GRID2: variants seen among roughly 807,000 people sequenced by gnomAD.
The protein encoded by GRID2 is glutamate receptor ionotropic, delta-2.
GRID2 carries 33 observed loss-of-function variants against 114.8 expected under a neutral mutation model. The ratio of observed to expected loss-of-function variants is 0.29; its 90% confidence interval spans 0.22 to 0.38. GRID2 has a LOEUF of 0.38. Ranked by LOEUF, GRID2 falls within the 10% of genes least tolerant of loss-of-function variation. The pLI is 1.00. For missense variants in GRID2, 1,184 were observed against 1,257.7 expected (o/e 0.94, Z 0.89); for synonymous variants, 505 against 449.9 (o/e 1.12, Z -1.55).
At chr4:92,741,036 G>A (rs1736872256) in intron 2 of GRID2, among the ~76,000 whole-genome samples, 1 of 152,054 alleles carries the variant, frequency 6.6e-6, no homozygotes, top group Admixed American at 6.6e-5. Context: ...GAGTCACCAT[G>A]CCCAGCCTAT....
At chr4:93,603,243 C>T (rs1273794589) in intron 13 of GRID2, among the ~76,000 whole-genome samples, 2 of 152,018 alleles carry the variant, frequency 1.3e-5, no homozygotes, top group East Asian at 1.9e-4. Flanking sequence ...AAGAAAAGAA[C>T]GTGAAACAGC....
rs144735302 is a variant in GRID2 at position 92,766,385 on chromosome 4, C to T, written c.244+176099C>T. 3.4e-3 allele frequency among the ~76,000 whole-genome samples: 519 copies of T among 151,724 alleles called. 3 individuals carry two copies. The highest frequency in any genetic ancestry group is 0.012 in the African/African-American group (489 of 41,422). ...AACCCCGTCTCTACCAAAACTACAA[C>T]AATTAGCCAGGCATGGTGGTGGGCG... On this transcript the variant is annotated intron_variant, in intron 2 of 15. Coordinates refer to ENST00000282020, the MANE Select transcript of GRID2 (RefSeq NM_001510.4).
rs552626616 is a variant in GRID2, at chr4:92,399,341, C to T, written c.88+94597C>T. On this transcript the variant is annotated intron_variant, in intron 1 of 15. Transcript: ENST00000282020. ...ATAGTCCGAGATTCCTCAAGCAGTT[C>T]CCGTCTTCCTTCAGGCCCACTCCTA... Among the ~76,000 whole-genome samples the T allele has an allele frequency of 5.3e-5, 8 of 152,216 alleles. No individual in the cohort carries two copies. The East Asian group carries it at 1.5e-3, about 29-fold the overall frequency.
At chr4:92,669,509 G>C (rs1001796695) in intron 2 of GRID2, among the ~76,000 whole-genome samples, 1 of 151,910 alleles carries the variant, frequency 6.6e-6, no homozygotes, top group African/African-American at 2.4e-5. Flanking sequence ...TCTCTGACTT[G>C]CTGGGAAACA....
intron 8 of GRID2, among the ~76,000 whole-genome samples, chr4:93,344,947 C>G (rs1425606076): frequency 6.6e-6 from 1 of 150,876 alleles, no homozygotes; most frequent in Non-Finnish European, 1.5e-5. Flanking sequence ...TCAAAAATGA[C>G]AGCATTTCCT....
intron 13 of GRID2, among the ~76,000 whole-genome samples, chr4:93,565,076 G>A (rs1735277957): frequency 6.6e-6 from 1 of 151,722 alleles, no homozygotes; most frequent in South Asian, 2.1e-4. Context: ...TGTCAAATTA[G>A]CTTAATTATA....
intron 9 of GRID2, among the ~76,000 whole-genome samples, chr4:93,415,648 CTTTTGT>C: frequency 6.6e-6 from 1 of 152,066 alleles, no homozygotes; most frequent in East Asian, 1.9e-4. Context: ...CTTTCAAATT[CTTTTGT>C]ACAAAAAAAA....
chr4:92,886,617 A>T (rs1004522433), intron 2 of GRID2, among the ~76,000 whole-genome samples: 21 of 151,796 alleles, frequency 1.4e-4, no homozygotes, highest in South Asian at 2.1e-4. Flanking sequence ...TATTTAATTT[A>T]ATTTTATTTA....
chr4:93,348,935 C>T (rs1340107754), intron 8 of GRID2, among the ~76,000 whole-genome samples: 1 of 152,150 alleles, frequency 6.6e-6, no homozygotes, highest in African/African-American at 2.4e-5. Context: ...TCAGCAGACC[C>T]AGGCAGGGCC....
At chr4:93,200,258 T>C (rs1218330776) in intron 4 of GRID2, among the ~76,000 whole-genome samples, 1 of 152,210 alleles carries the variant, frequency 6.6e-6, no homozygotes, top group Non-Finnish European at 1.5e-5. Flanking sequence ...AGCACAAGTA[T>C]CACCATTTGG....
At chr4:93,583,297 A>G (rs535842926) in intron 13 of GRID2, among the ~76,000 whole-genome samples, 1 of 152,298 alleles carries the variant, frequency 6.6e-6, no homozygotes, top group East Asian at 1.9e-4. Context: ...TTATGTATGA[A>G]GGAATTATTC....
At chr4:93,790,557 T>TC (rs1371636900) in intron 1 of GRID2, among the ~76,000 whole-genome samples, 1 of 151,600 alleles carries the variant, frequency 6.6e-6, no homozygotes, top group Non-Finnish European at 1.5e-5. Flanking sequence ...ATAATTTTTT[T>TC]TTTTTTGTGA....
chr4:92,352,390 T>G (rs1177043149), intron 1 of GRID2, among the ~76,000 whole-genome samples: 1 of 151,598 alleles, frequency 6.6e-6, no homozygotes, highest in African/African-American at 2.4e-5. Flanking sequence ...TTTAGTTGTT[T>G]GAGCTCCTTG....
chr4:92,873,819 A>G (rs1745444587), intron 2 of GRID2, among the ~76,000 whole-genome samples: 2 of 152,034 alleles, frequency 1.3e-5, no homozygotes, highest in South Asian at 4.1e-4. Context: ...GGTTCAAGCA[A>G]TTCTCCTGCC....
intron 1 of GRID2, among the ~76,000 whole-genome samples, chr4:92,506,633 T>C (rs1723985196): frequency 6.6e-6 from 1 of 151,872 alleles, no homozygotes. Flanking sequence ...AGAAAATGAT[T>C]TTCTGGCATG....
At chr4:92,584,713 T>A (rs904166186) in intron 1 of GRID2, among the ~76,000 whole-genome samples, 1 of 151,916 alleles carries the variant, frequency 6.6e-6, no homozygotes, top group Non-Finnish European at 1.5e-5. Context: ...TATGTGTATA[T>A]GCACACACAT....
intron 1 of GRID2, among the ~76,000 whole-genome samples, chr4:92,472,140 A>C (rs1320371274): frequency 1.5e-5 from 1 of 66,256 alleles, no homozygotes; most frequent in Non-Finnish European, 3.1e-5. Flanking sequence ...TCACCGTTTT[A>C]GCCGGGATGG....
At chr4:92,425,351 T>C (rs1044305552) in intron 1 of GRID2, among the ~76,000 whole-genome samples, 1 of 151,926 alleles carries the variant, frequency 6.6e-6, no homozygotes, top group Non-Finnish European at 1.5e-5. Flanking sequence ...TTAACAAGAC[T>C]GCCAAAAAAT....
chr4:92,390,611 A>G (rs926585001), intron 1 of GRID2, among the ~76,000 whole-genome samples: 1 of 152,144 alleles, frequency 6.6e-6, no homozygotes, highest in Non-Finnish European at 1.5e-5. Flanking sequence ...TTCTGGTAGG[A>G]TATGATAATG....
Sources: gnomAD v4.1 joint callset for allele counts (sites outside exome capture counted in the v4.1 genomes callset) on GRCh38, gnomAD v4.1.1 for gene constraint, MANE v1.5 for transcripts, NCBI Gene and HGNC (gene_info 2026-07-23, HGNC 2026-07-21) for gene names.